PLEKHG7: variants seen among roughly 807,000 people sequenced by gnomAD.
PLEKHG7 encodes pleckstrin homology and RhoGEF domain containing G7.
Under a neutral mutation model 85.2 loss-of-function variants are expected in PLEKHG7, and 77 were observed. The observed-to-expected ratio is 0.90, with a 90% CI of 0.75 to 1.09. PLEKHG7 has a LOEUF of 1.09. Among genes scored for constraint, PLEKHG7 ranks in the 50% least tolerant of loss-of-function variants. The probability of loss-of-function intolerance (pLI) is 0.00; values close to 1 mark genes in which losing one functional copy is unlikely to be tolerated. For synonymous variants in PLEKHG7, 301 were observed against 302.4 expected, an observed-to-expected ratio of 1.00 and a Z score of 0.05; for missense variants, 777 against 804.3, an observed-to-expected ratio of 0.97 and a Z score of 0.41.
At chr12:92,761,642 G>GGAAGA (rs780732776) in intron 13 of PLEKHG7, 110 bp from the exon 14 acceptor site, 6 of 779,336 alleles carry the variant, frequency 7.7e-6, no homozygotes, top group African/African-American at 2.4e-5. Flanking sequence ...AAGAAAGAAA[G>GGAAGA]AAAGAAAGAA....
In PLEKHG7 at chr12:92,706,690, C is replaced by G. The variant is rs142446097; in HGVS notation, c.59C>G (p.Pro20Arg). 7.6e-4 allele frequency: 1,226 copies of G among 1,614,098 alleles called. 5 individuals are homozygous for G. The African/African-American group carries it at 0.014, about 19-fold the overall frequency. ...EVPPQDCGAS[P>R]RPSLRSLPKN... ...CCACCCCAAGACTGTGGAGCCTCTC[C>G]TCGGCCCTCGCTGAGGAGCCTGCCA... The change falls in exon 2 of 17, where the codon CCT becomes CGT. Residue 20 changes from proline (P) to arginine (R), a missense_variant. Physicochemically the swap from Pro to Arg is moderately radical, Grantham distance 103. Around this residue, in one of 3 missense-constraint regions of PLEKHG7, gnomAD observed 252 missense variants for 241.9 expected, o/e 1.04. Transcript: ENST00000344636.
intron 3 of PLEKHG7, among the ~76,000 whole-genome samples, chr12:92,722,117 G>A (rs1203773005): frequency 1.3e-5 from 2 of 150,970 alleles, no homozygotes; most frequent in Admixed American, 6.6e-5. Flanking sequence ...ATACCAGTTC[G>A]GATACACACT....
chr12:92,738,011 C>T (rs1592680566), intron 7 of PLEKHG7, among the ~76,000 whole-genome samples: 1 of 152,296 alleles, frequency 6.6e-6, no homozygotes, highest in South Asian at 2.1e-4. Context: ...ACACCCTTCT[C>T]AGGCAGTCCA....
chr12:92,737,737 AAGGG>A (rs1242365263), intron 7 of PLEKHG7, among the ~76,000 whole-genome samples: 2 of 50,976 alleles, frequency 3.9e-5, no homozygotes, highest in African/African-American at 1.1e-4. Context: ...AGGAGGGAGG[AAGGG>A]AGGGAGGGAG....
chr12:92,771,704 T>C lies in PLEKHG7; in HGVS notation c.*1509T>C, dbSNP rs1214071845. On this transcript the variant is annotated 3_prime_UTR_variant, in exon 17 of 17. Transcript: ENST00000344636. Reference sequence around the variant, plus strand: ...TTTCTGGTTAAAAAAAATTTTTACATTAACAATCATCTTGCAAATGTTTAG... The same window carrying C: ...TTTCTGGTTAAAAAAAATTTTTACACTAACAATCATCTTGCAAATGTTTAG... 1 of 151,976 alleles carries C rather than the reference T, an allele frequency of 6.6e-6. No individual in the cohort carries two copies. Among genetic ancestry groups the C allele is most frequent in the African/African-American group, 2.4e-5 (1 of 41,426 alleles). The allele number at this position is 151,976 out of a possible 1,614,324, so 9.4% of individuals were successfully genotyped here.
chr12:92,722,269 C>T (rs973184354), intron 3 of PLEKHG7, among the ~76,000 whole-genome samples: 1 of 152,028 alleles, frequency 6.6e-6, no homozygotes, highest in Admixed American at 6.6e-5. Context: ...CAGTCCACTG[C>T]CAGGCATGGA....
At chr12:92,762,987 G>A (rs1431449985) in intron 14 of PLEKHG7, among the ~76,000 whole-genome samples, 1 of 152,136 alleles carries the variant, frequency 6.6e-6, no homozygotes, top group Non-Finnish European at 1.5e-5. Context: ...AGACTAGCAT[G>A]TCTGAACAAG....
chr12:92,756,787 A>G (rs187997535), intron 13 of PLEKHG7, among the ~76,000 whole-genome samples: 162 of 152,324 alleles, frequency 1.1e-3, no homozygotes, highest in African/African-American at 3.6e-3. Context: ...ATTATATAGG[A>G]CAAGTTGTGC....
chr12:92,764,619 C>T (rs995986352), intron 15 of PLEKHG7, among the ~76,000 whole-genome samples: 5 of 151,872 alleles, frequency 3.3e-5, no homozygotes, highest in African/African-American at 1.2e-4. Flanking sequence ...TTTTATTACC[C>T]TCTATTAAAA....
chr12:92,735,411 G>C (rs1872114687), intron 5 of PLEKHG7, among the ~76,000 whole-genome samples: 1 of 152,116 alleles, frequency 6.6e-6, no homozygotes. Context: ...TCAGCACACA[G>C]GGAGCCCCCT....
intron 3 of PLEKHG7, among the ~76,000 whole-genome samples, chr12:92,711,463 T>A (rs1871365802): frequency 6.6e-6 from 1 of 152,068 alleles, no homozygotes; most frequent in African/African-American, 2.4e-5. Flanking sequence ...CCACTTCCAT[T>A]TGATGATGAA....
intron 3 of PLEKHG7, among the ~76,000 whole-genome samples, chr12:92,727,390 T>A (rs1400277736): frequency 6.6e-6 from 1 of 152,202 alleles, no homozygotes; most frequent in Non-Finnish European, 1.5e-5. Flanking sequence ...CAATAGTTAA[T>A]TTTGCAACAC....
At chr12:92,718,662 T>C (rs752936755) in intron 3 of PLEKHG7, among the ~76,000 whole-genome samples, 1 of 152,228 alleles carries the variant, frequency 6.6e-6, no homozygotes, top group Non-Finnish European at 1.5e-5. Context: ...CCTCTTGACC[T>C]CCTCGATCTT....
chr12:92,706,562 A>G lies in PLEKHG7; in HGVS notation c.-70A>G, dbSNP rs1871232153. On this transcript the variant is annotated 5_prime_UTR_variant, in exon 2 of 17. The change abolishes an upstream ATG in the 5' untranslated region. Coordinates refer to ENST00000344636, the MANE Select transcript of PLEKHG7 (RefSeq NM_001377329.1). ...TGGATGCAGAAATTGAGCACCCTCC[A>G]TGTGATCCAGAGAACAGCAACTCAT... 2.7e-6 allele frequency: 4 copies of G among 1,508,066 alleles called. No homozygotes were observed. Among genetic ancestry groups the G allele is most frequent in the African/African-American group, 1.4e-5 (1 of 71,680 alleles). The allele number at this position is 1,508,066 out of a possible 1,614,324, so 93.4% of individuals were successfully genotyped here. A position where few individuals can be genotyped will look rare whatever the true frequency, so the allele number is the denominator to read the frequency against.
chr12:92,741,953 GAAACAGAAT>G (rs1872369938), intron 9 of PLEKHG7, among the ~76,000 whole-genome samples: 1 of 152,218 alleles, frequency 6.6e-6, no homozygotes, highest in African/African-American at 2.4e-5. Context: ...TTCTCAGAAA[GAAACAGAAT>G]AAACCTTCAA....
chr12:92,704,122 G>C (rs1319066465), intron 1 of PLEKHG7, among the ~76,000 whole-genome samples: 1 of 152,164 alleles, frequency 6.6e-6, no homozygotes, highest in Non-Finnish European at 1.5e-5. Context: ...TTAGCTGGGT[G>C]GGGTGGTAAG....
At chr12:92,748,083 G>C (rs1444770431) in intron 10 of PLEKHG7, among the ~76,000 whole-genome samples, 1 of 152,128 alleles carries the variant, frequency 6.6e-6, no homozygotes, top group Non-Finnish European at 1.5e-5. Context: ...TTATGGTTAT[G>C]GCTATCCTAA....
chr12:92,724,914 T>C (rs1565788765), intron 3 of PLEKHG7, among the ~76,000 whole-genome samples: 1 of 151,964 alleles, frequency 6.6e-6, no homozygotes, highest in Non-Finnish European at 1.5e-5. Flanking sequence ...AGCATGCACA[T>C]TGAGTTGGCA....
chr12:92,747,986 T>C (rs1872583061), intron 10 of PLEKHG7, among the ~76,000 whole-genome samples: 1 of 152,112 alleles, frequency 6.6e-6, no homozygotes, highest in South Asian at 2.1e-4. Flanking sequence ...CCCACTAGGG[T>C]GACTATAGTT....
Sources: gnomAD v4.1 joint callset for allele counts (sites outside exome capture counted in the v4.1 genomes callset) on GRCh38, gnomAD v4.1.1 for gene constraint, gnomAD v4.1.1 regional missense constraint, MANE v1.5 for transcripts, NCBI Gene and HGNC (gene_info 2026-07-23, HGNC 2026-07-21) for gene names.